Variants in ELMO1 observed in about 807,000 individuals in gnomAD.
The protein encoded by ELMO1 is engulfment and cell motility protein 1.
ELMO1 carries 26 observed loss-of-function variants against 98.9 expected under a neutral mutation model. The ratio of observed to expected loss-of-function variants is 0.26; its 90% confidence interval spans 0.19 to 0.36. The LOEUF (loss-of-function observed/expected upper bound fraction) is 0.36, where lower values mean the gene tolerates loss of function less well. Ranked by LOEUF, ELMO1 falls within the 10% of genes least tolerant of loss-of-function variation. The pLI, the probability that ELMO1 is intolerant of heterozygous loss-of-function variation, is 1.00. For synonymous variants in ELMO1, 346 were observed against 346.0 expected (o/e 1.00, Z 0.00); for missense variants, 627 against 935.2 (o/e 0.67, Z 4.30).
intron 6 of ELMO1, among the ~76,000 whole-genome samples, chr7:37,245,613 C>T (rs1477572890): frequency 6.6e-6 from 1 of 151,982 alleles, no homozygotes; most frequent in Non-Finnish European, 1.5e-5. Flanking sequence ...ATCAAAAAGG[C>T]ATTGGGCAGG....
chr7:37,004,137 C>T (rs1792882460), intron 16 of ELMO1, among the ~76,000 whole-genome samples: 1 of 152,130 alleles, frequency 6.6e-6, no homozygotes, highest in South Asian at 2.1e-4. Context: ...CTTAGCTATC[C>T]AACTCTGGTT....
At chr7:37,158,828 C>T (rs1432939989) in intron 13 of ELMO1, among the ~76,000 whole-genome samples, 3 of 152,206 alleles carry the variant, frequency 2.0e-5, no homozygotes, top group African/African-American at 7.2e-5. Context: ...GATTATAAAT[C>T]ATGCTGCTAT....
chr7:36,919,607 T>G (rs1045888373), intron 16 of ELMO1, among the ~76,000 whole-genome samples: 3 of 152,172 alleles, frequency 2.0e-5, no homozygotes, highest in Non-Finnish European at 4.4e-5. Context: ...AGAGTAGGCC[T>G]GGCAACTGTG....
At chr7:37,239,061 T>C (rs1480479488) in intron 7 of ELMO1, among the ~76,000 whole-genome samples, 1 of 152,194 alleles carries the variant, frequency 6.6e-6, no homozygotes, top group Non-Finnish European at 1.5e-5. Flanking sequence ...CTCTCCTCTA[T>C]TTTCCAAAAG....
At chr7:37,288,700 C>T (rs1011330570) in intron 4 of ELMO1, among the ~76,000 whole-genome samples, 3 of 152,170 alleles carry the variant, frequency 2.0e-5, no homozygotes, top group African/African-American at 4.8e-5. Flanking sequence ...ATCTTGATGG[C>T]GGAATGACTG....
intron 16 of ELMO1, among the ~76,000 whole-genome samples, chr7:36,962,757 G>T (rs1789065385): frequency 6.6e-6 from 1 of 152,072 alleles, no homozygotes; most frequent in East Asian, 1.9e-4. Context: ...CCTTCCTTCT[G>T]CAAAAAGGAA....
chr7:36,901,638 T>C (rs1806513293), intron 16 of ELMO1, among the ~76,000 whole-genome samples: 1 of 152,234 alleles, frequency 6.6e-6, no homozygotes, highest in Non-Finnish European at 1.5e-5. Flanking sequence ...AGTCTGGTTC[T>C]GTCACTTACA....
chr7:37,284,030 A>G (rs1488358784), intron 4 of ELMO1, among the ~76,000 whole-genome samples: 2 of 152,048 alleles, frequency 1.3e-5, no homozygotes, highest in Admixed American at 6.5e-5. Context: ...CTAGGGGAGT[A>G]TGATACACAT....
chr7:37,010,586 G>A (rs1466122117), intron 16 of ELMO1, among the ~76,000 whole-genome samples: 1 of 152,178 alleles, frequency 6.6e-6, no homozygotes, highest in Non-Finnish European at 1.5e-5. Flanking sequence ...CATAAGCCAA[G>A]GAATGCAGGT....
At chr7:37,369,169 T>C (rs1014275882) in intron 1 of ELMO1, among the ~76,000 whole-genome samples, 2 of 152,180 alleles carry the variant, frequency 1.3e-5, no homozygotes, top group African/African-American at 4.8e-5. Flanking sequence ...CTTTCACTCA[T>C]ATGGAAGCTT....
At chr7:37,400,311 G>A (rs1042579169) in intron 1 of ELMO1, among the ~76,000 whole-genome samples, 12 of 151,982 alleles carry the variant, frequency 7.9e-5, no homozygotes, top group African/African-American at 1.9e-4. Flanking sequence ...AATCCGCATC[G>A]GTACACTGTC....
chr7:37,303,186 T>C (rs2131033064), intron 4 of ELMO1, among the ~76,000 whole-genome samples: 1 of 152,322 alleles, frequency 6.6e-6, no homozygotes, highest in Non-Finnish European at 1.5e-5. Flanking sequence ...GAATCTAGCT[T>C]TGTTTCTGAC....
chr7:36,902,569 G>A (rs1239826644), intron 16 of ELMO1, among the ~76,000 whole-genome samples: 2 of 152,234 alleles, frequency 1.3e-5, no homozygotes, highest in Non-Finnish European at 2.9e-5. Flanking sequence ...ATGGTCCACA[G>A]CAGACTGAAA....
chr7:37,124,058 G>A (rs560863122), intron 14 of ELMO1, among the ~76,000 whole-genome samples: 1 of 152,274 alleles, frequency 6.6e-6, no homozygotes, highest in South Asian at 2.1e-4. Context: ...CTCAACAGAT[G>A]CAGAAAAGTT....
intron 15 of ELMO1, among the ~76,000 whole-genome samples, chr7:37,093,188 T>A (rs1784211825): frequency 6.6e-6 from 1 of 151,598 alleles, no homozygotes; most frequent in South Asian, 2.1e-4. Flanking sequence ...TTTTTTTTTT[T>A]AAAGCAACCT....
intron 15 of ELMO1, among the ~76,000 whole-genome samples, chr7:37,079,693 A>G (rs1304691380): frequency 6.6e-6 from 1 of 152,080 alleles, no homozygotes. Flanking sequence ...CACCTGCAGC[A>G]TATGACACTG....
intron 5 of ELMO1, among the ~76,000 whole-genome samples, chr7:37,267,517 A>T (rs1361471162): frequency 2.6e-5 from 4 of 152,242 alleles, no homozygotes; most frequent in Non-Finnish European, 5.9e-5. Flanking sequence ...TCCCAGCAGC[A>T]GTACTGTTAA....
At chr7:36,915,026 T>C (rs1784592203) in intron 16 of ELMO1, among the ~76,000 whole-genome samples, 1 of 152,230 alleles carries the variant, frequency 6.6e-6, no homozygotes, top group Non-Finnish European at 1.5e-5. Context: ...CGATCATAGC[T>C]GACTGCAGCC....
intron 4 of ELMO1, among the ~76,000 whole-genome samples, chr7:37,300,910 G>C (rs1798307071): frequency 6.6e-6 from 1 of 151,962 alleles, no homozygotes; most frequent in Non-Finnish European, 1.5e-5. Flanking sequence ...GACTCTTTTT[G>C]GTTGGTAAGC....
Sources: gnomAD v4.1 joint callset for allele counts (sites outside exome capture counted in the v4.1 genomes callset) on GRCh38, gnomAD v4.1.1 for gene constraint, MANE v1.5 for transcripts, NCBI Gene and HGNC (gene_info 2026-07-23, HGNC 2026-07-21) for gene names.